DNAJC1: variants seen among roughly 807,000 people sequenced by gnomAD.
DNAJC1 encodes the protein DnaJ heat shock protein family (Hsp40) member C1.
A neutral mutation model predicts 76.6 loss-of-function variants in DNAJC1; 58 were observed. The observed-to-expected ratio is 0.76, with a 90% confidence interval of 0.61 to 0.94. The LOEUF is 0.94. Ranked by LOEUF, DNAJC1 falls within the 40% of genes least tolerant of loss-of-function variation. DNAJC1 has a pLI of 0.00. For synonymous variants in DNAJC1, 258 were observed against 267.9 expected (o/e 0.96, Z 0.36); for missense variants, 689 against 677.3 (o/e 1.02, Z -0.19).
chr10:21,772,842 T>C (rs183899821), intron 9 of DNAJC1, among the ~76,000 whole-genome samples: 5 of 152,252 alleles, frequency 3.3e-5, no homozygotes, highest in African/African-American at 1.2e-4. Flanking sequence ...TCACAAGCTG[T>C]ACAGGAAGCG....
intron 1 of DNAJC1, among the ~76,000 whole-genome samples, chr10:21,990,169 GA>G (rs1036126356): frequency 5.3e-5 from 8 of 152,244 alleles, no homozygotes; most frequent in Admixed American, 4.6e-4. Flanking sequence ...TGGCATACAA[GA>G]AATCATCTTA....
At chr10:21,896,962 G>C (rs1266169344) in intron 7 of DNAJC1, among the ~76,000 whole-genome samples, 1 of 152,110 alleles carries the variant, frequency 6.6e-6, no homozygotes, top group African/African-American at 2.4e-5. Flanking sequence ...ATGTGTTTGT[G>C]CCCTCCGGAG....
rs1429581567 is a variant in DNAJC1 at position 21,813,244 on chromosome 10, A to ATATATATG, written c.979-7146_979-7145insCATATATA. Among the ~76,000 whole-genome samples, 51 of 122,900 alleles carry ATATATATG rather than the reference A, an allele frequency of 4.1e-4. 6 individuals are homozygous for ATATATATG. Among genetic ancestry groups the ATATATATG allele is most frequent in the Middle Eastern group, 4.0e-3 (1 of 248 alleles). 80.6% of individuals were successfully genotyped at this position (122,900 alleles called of 152,430 possible). A position where few individuals can be genotyped will look rare whatever the true frequency, so the allele number is the denominator to read the frequency against. ...TCTATATATATATATATATATATAT[A>ATATATATG]CACATACAGCTTCTGCCTTGCTCTT... On this transcript the variant is annotated intron_variant, in intron 8 of 11. Coordinates refer to ENST00000376980, the MANE Select transcript of DNAJC1 (RefSeq NM_022365.4).
At chr10:21,979,519 T>C (rs1391279227) in intron 1 of DNAJC1, among the ~76,000 whole-genome samples, 1 of 152,068 alleles carries the variant, frequency 6.6e-6, no homozygotes, top group Non-Finnish European at 1.5e-5. Flanking sequence ...TTTTGAACGC[T>C]GTACCTCAAC....
At chr10:21,875,008 G>A (rs1163222398) in intron 8 of DNAJC1, among the ~76,000 whole-genome samples, 1 of 151,996 alleles carries the variant, frequency 6.6e-6, no homozygotes, top group Non-Finnish European at 1.5e-5. Flanking sequence ...AGCATCCCAA[G>A]TAGCTGGGAT....
chr10:21,998,191 G>C lies in DNAJC1; in HGVS notation c.222+5022C>G, dbSNP rs542721564. On this transcript the variant is annotated intron_variant, in intron 1 of 11. Coordinates refer to ENST00000376980, the MANE Select transcript of DNAJC1 (RefSeq NM_022365.4). ...GGATCACCTGAGGTCAGGAGTGCAA[G>C]ATCGGCCTGACCAACATGGCGAAAC... Among the ~76,000 whole-genome samples the C allele has an allele frequency of 7.9e-5, 12 of 152,150 alleles. No individual in the cohort carries two copies. The South Asian group carries it at 2.5e-3, about 32-fold the overall frequency.
At chr10:21,897,339 T>C (rs961760211) in intron 7 of DNAJC1, among the ~76,000 whole-genome samples, 1 of 152,096 alleles carries the variant, frequency 6.6e-6, no homozygotes, top group African/African-American at 2.4e-5. Context: ...AAATGAAATA[T>C]CACATAATCA....
chr10:21,934,762 T>G (rs1015495790), intron 1 of DNAJC1, among the ~76,000 whole-genome samples: 2 of 152,188 alleles, frequency 1.3e-5, no homozygotes, highest in African/African-American at 4.8e-5. Flanking sequence ...CACTGTGATA[T>G]TCACATAAAG....
At chr10:21,985,433 G>C (rs1019481454) in intron 1 of DNAJC1, among the ~76,000 whole-genome samples, 1 of 152,068 alleles carries the variant, frequency 6.6e-6, no homozygotes, top group Non-Finnish European at 1.5e-5. Context: ...ATTTTTAGCA[G>C]AGGTGGGGTT....
intron 8 of DNAJC1, among the ~76,000 whole-genome samples, chr10:21,831,143 G>A (rs1835351232): frequency 6.6e-6 from 1 of 152,114 alleles, no homozygotes; most frequent in Non-Finnish European, 1.5e-5. Flanking sequence ...TTCTGTGACA[G>A]TTCCAAAAAC....
intron 11 of DNAJC1, among the ~76,000 whole-genome samples, chr10:21,757,612 G>T (rs574142656): frequency 6.6e-6 from 1 of 152,136 alleles, no homozygotes; most frequent in African/African-American, 2.4e-5. Context: ...ACTTGCCTAA[G>T]GTCTTTAAAG....
At chr10:21,776,671 TTATTTCTC>T (rs1834457062) in intron 9 of DNAJC1, among the ~76,000 whole-genome samples, 1 of 152,228 alleles carries the variant, frequency 6.6e-6, no homozygotes, top group Non-Finnish European at 1.5e-5. Flanking sequence ...CTCATTCTTG[TTATTTCTC>T]TAATGTCTTT....
intron 8 of DNAJC1, among the ~76,000 whole-genome samples, chr10:21,822,488 A>C (rs1231136007): frequency 3.3e-5 from 5 of 151,592 alleles, no homozygotes; most frequent in South Asian, 2.1e-4. Context: ...TAAATAAATA[A>C]ATACATGGAG....
intron 1 of DNAJC1, among the ~76,000 whole-genome samples, chr10:21,952,532 C>T (rs769780083): frequency 9.2e-5 from 14 of 152,022 alleles, no homozygotes; most frequent in South Asian, 6.2e-4. Flanking sequence ...CAGACGCAGG[C>T]GATCACCTGG....
intron 8 of DNAJC1, among the ~76,000 whole-genome samples, chr10:21,809,307 G>A (rs1834929183): frequency 6.6e-6 from 1 of 151,568 alleles, no homozygotes; most frequent in South Asian, 2.1e-4. Context: ...ATGACAAAAG[G>A]CTCATTTCTA....
chr10:21,886,337 A>T (rs1318862256), intron 7 of DNAJC1, among the ~76,000 whole-genome samples: 4 of 152,126 alleles, frequency 2.6e-5, no homozygotes, highest in Non-Finnish European at 4.4e-5. Flanking sequence ...AATCAGTAAT[A>T]AATTAGGCTC....
chr10:21,976,926 G>T (rs969021324), intron 1 of DNAJC1, among the ~76,000 whole-genome samples: 1 of 151,956 alleles, frequency 6.6e-6, no homozygotes, highest in Non-Finnish European at 1.5e-5. Flanking sequence ...CTTTTCTTCC[G>T]TAACAACAAC....
chr10:21,756,673 A>G lies in DNAJC1; in HGVS notation c.*14T>C. The stretch of plus-strand genomic sequence containing the variant: ...ATTTTGGAAAATGAAGGTGAACATC[A>G]TCTCCCAGAATATTCAGCTTTTAGC... On this transcript the variant is annotated 3_prime_UTR_variant, in exon 12 of 12. Transcript: ENST00000376980. 1 of 1,599,724 alleles carries G rather than the reference A, an allele frequency of 6.3e-7. No individual in the cohort carries two copies. The highest frequency in any genetic ancestry group is 8.6e-7 in the Non-Finnish European group (1 of 1,167,224).
At chr10:21,837,257 G>A (rs370403043) in intron 8 of DNAJC1, among the ~76,000 whole-genome samples, 1 of 152,102 alleles carries the variant, frequency 6.6e-6, no homozygotes, top group African/African-American at 2.4e-5. Context: ...ATCTCGGCTC[G>A]CTACACCCTC....
Sources: gnomAD v4.1 joint callset for allele counts (sites outside exome capture counted in the v4.1 genomes callset) on GRCh38, gnomAD v4.1.1 for gene constraint, MANE v1.5 for transcripts, NCBI Gene and HGNC (gene_info 2026-07-23, HGNC 2026-07-21) for gene names.